The following ABI3BP variants were observed in gnomAD, a reference collection of about 807,000 sequenced individuals.
The protein encoded by ABI3BP is ABI family member 3 binding protein.
ABI3BP carries 216 observed loss-of-function variants against 268.6 expected under a neutral mutation model. The ratio of observed to expected loss-of-function variants is 0.80; its 90% confidence interval spans 0.72 to 0.90. ABI3BP has a LOEUF of 0.90. Among genes scored for constraint, ABI3BP ranks in the 40% least tolerant of loss-of-function variants. ABI3BP has a pLI of 0.00. For missense variants in ABI3BP, 2,090 were observed against 2,182.4 expected (o/e 0.96, Z 0.84); for synonymous variants, 730 against 730.0 (o/e 1.00, Z 0.00).
At position 100,898,839 on chromosome 3, in the gene ABI3BP, G is replaced by T; in HGVS notation, c.384C>A (p.Ser128Arg). The change falls in exon 4 of 68, where the codon AGC becomes AGA. Residue 128 changes from serine (S) to arginine (R), a missense_variant. By Grantham distance (110) the Ser-to-Arg change is moderately radical. Transcript: ENST00000471714. The stretch of plus-strand genomic sequence containing the variant: ...GGAAACCCCAGGACAGGAAGACCGA[G>T]CTCGGTGTCAGAGTGCCAACCACCA... ...LQLVVGTLTP[S>R]SVFLSWGFLI... The T allele has an allele frequency of 7.4e-6, 12 of 1,613,628 alleles. No individual in the cohort carries two copies. Among genetic ancestry groups the T allele is most frequent in the Non-Finnish European group, 1.0e-5 (12 of 1,179,750 alleles).
At chr3:100,797,348 A>G (rs2152258872) in intron 51 of ABI3BP, among the ~76,000 whole-genome samples, 1 of 152,200 alleles carries the variant, frequency 6.6e-6, no homozygotes, top group East Asian at 1.9e-4. Flanking sequence ...ACAAAATCTC[A>G]TTCCACAAAT....
chr3:100,793,159 G>C (rs73152403), intron 54 of ABI3BP, among the ~76,000 whole-genome samples: 1 of 151,612 alleles, frequency 6.6e-6, no homozygotes, highest in Non-Finnish European at 1.5e-5. Context: ...TGGAAAGGAA[G>C]TATATCATAT....
At chr3:100,830,248 C>T (rs1419578516) in intron 32 of ABI3BP, among the ~76,000 whole-genome samples, 1 of 148,950 alleles carries the variant, frequency 6.7e-6, no homozygotes, top group Non-Finnish European at 1.5e-5. Context: ...TTTACTCAGT[C>T]TAGATCAGGG....
chr3:100,878,966 G>A (rs1420251525), intron 6 of ABI3BP, among the ~76,000 whole-genome samples: 1 of 152,198 alleles, frequency 6.6e-6, no homozygotes, highest in Non-Finnish European at 1.5e-5. Flanking sequence ...AATGCGGGAT[G>A]ATTAAACCAA....
chr3:100,824,925 T>C lies in ABI3BP; in HGVS notation c.2679A>G (p.Lys893=). ...PATTLATKTS[K]RTRPPRPRPK... ...GTCTGGGACGTGGAGGGCGGGTTCT[T>C]TTTGATGTTTTGGTAGCTGAAGGAA... is the stretch of plus-strand genomic sequence containing the variant. Residue 893 remains lysine, a synonymous_variant, in exon 36 of 68, where the codon AAA becomes AAG. Transcript: ENST00000471714. The C allele has an allele frequency of 6.5e-7, 1 of 1,535,730 alleles. No individual in the cohort carries two copies. The highest frequency in any genetic ancestry group is 2.4e-5 in the East Asian group (1 of 40,900).
At chr3:100,790,115 A>AAGG (rs551306463) in intron 55 of ABI3BP, among the ~76,000 whole-genome samples, 108 of 152,126 alleles carry the variant, frequency 7.1e-4, no homozygotes, top group African/African-American at 2.4e-3. Flanking sequence ...AAAAGAGGAC[A>AAGG]AGCAAGGAGC....
chr3:100,875,583 T>C lies in ABI3BP; in HGVS notation c.746-4A>G. ...TTGTGAGTAACATTCTGAATCACTG[T>C]TGAAATACAAAAAGACAGTGTGAGG... On this transcript the variant is annotated splice_polypyrimidine_tract_variant and splice_region_variant and intron_variant, in intron 7 of 67. Coordinates refer to ENST00000471714, the MANE Select transcript of ABI3BP (RefSeq NM_001375547.2). 3.7e-6 allele frequency: 6 copies of C among 1,610,650 alleles called. No homozygotes were observed. The highest frequency in any genetic ancestry group is 1.3e-5 in the African/African-American group (1 of 74,924).
intron 29 of ABI3BP, 144 bp from the exon 30 acceptor site, chr3:100,833,301 G>T: frequency 1.4e-6 from 1 of 700,554 alleles, no homozygotes; most frequent in South Asian, 2.1e-5. Context: ...AAGTTCTCAA[G>T]TGAGGGTACA....
At chr3:100,951,395 TTC>T (rs2074942129) in intron 1 of ABI3BP, among the ~76,000 whole-genome samples, 1 of 151,986 alleles carries the variant, frequency 6.6e-6, no homozygotes, top group South Asian at 2.1e-4. Flanking sequence ...TTCACAAAGT[TTC>T]TGTCTTTTGC....
intron 1 of ABI3BP, among the ~76,000 whole-genome samples, chr3:100,926,948 A>C (rs886589828): frequency 6.6e-6 from 1 of 152,170 alleles, no homozygotes; most frequent in Non-Finnish European, 1.5e-5. Flanking sequence ...TGTCTTAGGG[A>C]TAACTGACAT....
At chr3:100,756,087 A>G (rs958938263) in intron 63 of ABI3BP, among the ~76,000 whole-genome samples, 2 of 152,268 alleles carry the variant, frequency 1.3e-5, no homozygotes, top group African/African-American at 2.4e-5. Flanking sequence ...CTGAATGCTT[A>G]CTATGTATCA....
intron 1 of ABI3BP, among the ~76,000 whole-genome samples, chr3:100,989,390 G>A (rs1016859007): frequency 6.6e-6 from 1 of 152,194 alleles, no homozygotes; most frequent in Non-Finnish European, 1.5e-5. Context: ...TATACTCAAA[G>A]AATGTTACCT....
At chr3:100,894,675 C>T (rs992857611) in intron 4 of ABI3BP, among the ~76,000 whole-genome samples, 1 of 152,024 alleles carries the variant, frequency 6.6e-6, no homozygotes, top group South Asian at 2.1e-4. Flanking sequence ...CGCGGTGGCT[C>T]ACGCCTGTAA....
At chr3:100,804,972 G>C (rs137917541) in intron 50 of ABI3BP, 106 bp from the exon 51 acceptor site, 2 of 883,930 alleles carry the variant, frequency 2.3e-6, no homozygotes, top group Non-Finnish European at 3.7e-6. Context: ...ATAAAACAAA[G>C]CATTAGAGAG....
chr3:100,853,771 TC>T (rs1389382413), intron 14 of ABI3BP, among the ~76,000 whole-genome samples: 4 of 152,236 alleles, frequency 2.6e-5, no homozygotes, highest in African/African-American at 9.6e-5. Flanking sequence ...AAGAAGCCTT[TC>T]TTCCATCATC....
chr3:100,772,682 G>A (rs886938868), intron 61 of ABI3BP, among the ~76,000 whole-genome samples: 6 of 152,104 alleles, frequency 3.9e-5, no homozygotes, highest in African/African-American at 1.2e-4. Context: ...GAGGAAAAAA[G>A]GGAACAAAGA....
intron 2 of ABI3BP, among the ~76,000 whole-genome samples, chr3:100,905,812 T>A (rs561813100): frequency 6.6e-6 from 1 of 152,166 alleles, no homozygotes; most frequent in Admixed American, 6.5e-5. Context: ...TTCATGCTAA[T>A]AATTTTAAAT....
Position 100,862,324 on chromosome 3 carries a change from C to T in ABI3BP, c.1272G>A (p.Leu424=). Residue 424 remains leucine, a synonymous_variant, in exon 14 of 68, where the codon CTG becomes CTA. Transcript: ENST00000471714. ...TAKISEDSKV[L]QPQTATYDVF... ...GGATTTAATTACCAGTTTGAGGCTG[C>T]AGAACTTTGGAATCTTCAGATATTT... 1 of 1,601,180 alleles carries T rather than the reference C, an allele frequency of 6.2e-7. No individual in the cohort carries two copies.
In ABI3BP at chr3:100,816,731, T is replaced by G; in HGVS notation, c.3186A>C (p.Arg1062Ser). The G allele has an allele frequency of 6.5e-7, 1 of 1,535,826 alleles. No homozygotes were observed. Among genetic ancestry groups the G allele is most frequent in the Non-Finnish European group, 8.7e-7 (1 of 1,146,696 alleles). The change falls in exon 43 of 68, where the codon AGA becomes AGC. Residue 1062 changes from arginine to serine, a missense_variant. Physicochemically the swap from Arg to Ser is moderately radical, Grantham distance 110. Coordinates refer to ENST00000471714, the MANE Select transcript of ABI3BP (RefSeq NM_001375547.2). ...CTTCAGGACTTGATGTAGTTTTGGG[T>G]CTGGGACGGGGACGACGTGTCCGTT... Reference protein sequence around the residue: ...KTQRTRRPRPRPKTTSSPEVP... With the variant: ...KTQRTRRPRPSPKTTSSPEVP...
Sources: gnomAD v4.1 joint callset for allele counts (sites outside exome capture counted in the v4.1 genomes callset) on GRCh38, gnomAD v4.1.1 for gene constraint, MANE v1.5 for transcripts, NCBI Gene and HGNC (gene_info 2026-07-23, HGNC 2026-07-21) for gene names.